Variants in CASP5 observed in about 807,000 individuals in gnomAD.
CASP5 encodes caspase 5.
CASP5 carries 42 observed loss-of-function variants against 45.2 expected under a neutral mutation model. That is an observed-to-expected ratio of 0.93 (90% CI 0.73 to 1.20). CASP5 has a LOEUF of 1.20. CASP5 is among the 50% of genes most tolerant of loss of function. CASP5 has a pLI of 0.00. For synonymous variants in CASP5, 209 were observed against 186.2 expected (o/e 1.12, Z -1.00); for missense variants, 512 against 532.2 (o/e 0.96, Z 0.37).
At chr11:105,009,787 ACACACG>A (rs1862212420) in intron 1 of CASP5, among the ~76,000 whole-genome samples, 5 of 112,530 alleles carry the variant, frequency 4.4e-5, no homozygotes, top group African/African-American at 1.8e-4. Flanking sequence ...ATATATATAT[ACACACG>A]TATATATATA....
rs1160056936 is a variant in CASP5, at chr11:105,007,352, A to T, written c.182-18T>A. On this transcript the variant is annotated intron_variant, in intron 2 of 9. Transcript: ENST00000260315. Reference sequence around the variant, plus strand: ...GTTGTCTTCTGTCAGAAATAGAAAGACTCCTTTAACTATGGGCACAGCTTA... The same window carrying T: ...GTTGTCTTCTGTCAGAAATAGAAAGTCTCCTTTAACTATGGGCACAGCTTA... The T allele has an allele frequency of 6.3e-7, 1 of 1,583,798 alleles. No homozygotes were observed. Among genetic ancestry groups the T allele is most frequent in the Non-Finnish European group, 8.5e-7 (1 of 1,173,898 alleles).
intron 1 of CASP5, among the ~76,000 whole-genome samples, chr11:105,016,954 G>A (rs1378499865): frequency 6.6e-6 from 1 of 151,456 alleles, no homozygotes; most frequent in African/African-American, 2.5e-5. Flanking sequence ...CGCAGCTGGA[G>A]ATCTGAGAAC....
intron 1 of CASP5, among the ~76,000 whole-genome samples, chr11:105,021,287 A>G (rs1467209356): frequency 6.8e-6 from 1 of 146,456 alleles, no homozygotes; most frequent in African/African-American, 2.5e-5. Flanking sequence ...AGCAATGGCA[A>G]CAGAAGCCAA....
At chr11:105,021,613 C>T (rs1222541291) in intron 1 of CASP5, among the ~76,000 whole-genome samples, 5 of 147,382 alleles carry the variant, frequency 3.4e-5, no homozygotes, top group Admixed American at 7.1e-5. Context: ...CAATGAGATA[C>T]CATCTCACAC....
intron 3 of CASP5, among the ~76,000 whole-genome samples, chr11:105,004,133 C>G (rs1196180843): frequency 6.6e-6 from 1 of 152,086 alleles, no homozygotes. Flanking sequence ...TATCTTTCAA[C>G]AAATTGTGAA....
chr11:104,996,876 T>C (rs3181183), intron 8 of CASP5, among the ~76,000 whole-genome samples: 3,658 of 152,254 alleles, frequency 0.024, 137 homozygotes, highest in African/African-American at 0.083. Context: ...CCCTTTCCCA[T>C]GGAAAGAGTG....
At chr11:105,001,181 T>C (rs565886891) in intron 5 of CASP5, among the ~76,000 whole-genome samples, 1 of 152,340 alleles carries the variant, frequency 6.6e-6, no homozygotes, top group Non-Finnish European at 1.5e-5. Flanking sequence ...TTGGATTCTC[T>C]TGTTATTCTT....
chr11:104,999,370 C>A (rs535175391), intron 6 of CASP5, among the ~76,000 whole-genome samples: 1 of 152,172 alleles, frequency 6.6e-6, no homozygotes, highest in South Asian at 2.1e-4. Context: ...CATGTCCCTG[C>A]AAAGGACATG....
In CASP5 at chr11:105,007,211, T is replaced by G. The variant is rs762331534; in HGVS notation, c.305A>C (p.Lys102Thr). 1.9e-6 allele frequency: 3 copies of G among 1,613,712 alleles called. No individual in the cohort carries two copies. The highest frequency in any genetic ancestry group is 2.5e-6 in the Non-Finnish European group (3 of 1,179,880). Reference protein sequence around the residue: ...VLTLKEEEKKKYYDTKIEDKA... With the variant: ...VLTLKEEEKKTYYDTKIEDKA... ...GTCTTCAATTTTGGTATCATAATAT[T>G]TTTTCTTTTCCTCTTCCTTCAATGT... The change falls in exon 3 of 10, where the codon AAA becomes ACA. Residue 102 changes from lysine (K) to threonine (T), a missense_variant. Transcript: ENST00000260315.
intron 1 of CASP5, among the ~76,000 whole-genome samples, chr11:105,010,615 T>G (rs981551827): frequency 6.6e-6 from 1 of 151,240 alleles, no homozygotes; most frequent in Non-Finnish European, 1.5e-5. Context: ...AATAAACCAG[T>G]AGAATATTTA....
chr11:104,996,371 C>T (rs1861471388), intron 8 of CASP5, among the ~76,000 whole-genome samples: 2 of 152,152 alleles, frequency 1.3e-5, no homozygotes, highest in East Asian at 1.9e-4. Flanking sequence ...CAGGAATACC[C>T]TCAAAAGTAC....
At chr11:105,001,998 A>C in intron 5 of CASP5, 30 bp downstream of exon 5, 2 of 1,602,858 alleles carry the variant, frequency 1.2e-6, no homozygotes, top group South Asian at 1.1e-5. Context: ...TTGCCTATGG[A>C]TGAGTGTGAG....
Position 105,022,214 on chromosome 11 carries a change from G to A in CASP5, c.7+916C>T, listed in dbSNP as rs868170755. Among the ~76,000 whole-genome samples the A allele has an allele frequency of 2.0e-3, 301 of 149,800 alleles. 1 individual carries two copies. Among genetic ancestry groups the A allele is most frequent in the Middle Eastern group, 3.4e-3 (1 of 294 alleles). ...TTGGGAGGTATACCTAATGCTAGAT[G>A]ACGAGTTAGTGGGTGCAGCCCACCA... is the stretch of plus-strand genomic sequence containing the variant. On this transcript the variant is annotated intron_variant, in intron 1 of 9. Coordinates refer to ENST00000260315, the MANE Select transcript of CASP5 (RefSeq NM_004347.5).
At chr11:104,995,662 G>A in intron 9 of CASP5, 78 bp downstream of exon 9, 2 of 852,698 alleles carry the variant, frequency 2.3e-6, no homozygotes, top group South Asian at 3.0e-5. Flanking sequence ...TAAGCAGTCA[G>A]CTGTCATTGG....
intron 8 of CASP5, among the ~76,000 whole-genome samples, chr11:104,996,837 G>A (rs1486204037): frequency 6.6e-6 from 1 of 152,112 alleles, no homozygotes; most frequent in African/African-American, 2.4e-5. Flanking sequence ...GTCCCAAGTT[G>A]GGCAAGGAGT....
chr11:105,002,058 A>T lies in CASP5; in HGVS notation c.687T>A (p.Thr229=), dbSNP rs575263517. 4.3e-6 allele frequency: 7 copies of T among 1,614,124 alleles called. No individual in the cohort carries two copies. In the East Asian group the frequency reaches 1.6e-4, roughly 36 times the overall value. ...CTGTGAGATTCTTTTCGTCAACCAC[A>T]GTGTAGCCCAGGCCTTGAAGCAGCC... ...MKRLLQGLGY[T]VVDEKNLTAR... Residue 229 remains threonine (T), a synonymous_variant, in exon 5 of 10, where the codon ACT becomes ACA. Coordinates refer to ENST00000260315, the MANE Select transcript of CASP5 (RefSeq NM_004347.5).
intron 4 of CASP5, 134 bp from the exon 5 acceptor site, chr11:105,002,335 CCT>C: frequency 1.5e-6 from 1 of 670,674 alleles, no homozygotes; most frequent in Non-Finnish European, 2.6e-6. Context: ...ACACTGCCTT[CCT>C]CTCTCTCAAG....
chr11:105,016,258 G>A (rs1862584250), intron 1 of CASP5, among the ~76,000 whole-genome samples: 1 of 152,152 alleles, frequency 6.6e-6, no homozygotes, highest in South Asian at 2.1e-4. Context: ...TTCAGGGTTG[G>A]GAATGCAGTG....
At chr11:105,010,877 A>G (rs1862315979) in intron 1 of CASP5, among the ~76,000 whole-genome samples, 1 of 151,776 alleles carries the variant, frequency 6.6e-6, no homozygotes. Context: ...TAAGAAATTG[A>G]GTGTAATCCT....
Sources: allele counts gnomAD v4.1 joint callset (sites outside exome capture counted in the v4.1 genomes callset), GRCh38; gene constraint gnomAD v4.1.1; transcripts MANE v1.5; gene names NCBI Gene and HGNC (gene_info 2026-07-23, HGNC 2026-07-21).